SPAG16: variants seen among roughly 807,000 people sequenced by gnomAD.
The protein encoded by SPAG16 is sperm-associated antigen 16 protein.
Under a neutral mutation model 80.4 loss-of-function variants are expected in SPAG16, and 86 were observed. The observed-to-expected ratio is 1.07, with a 90% CI of 0.90 to 1.28. The LOEUF is 1.28. SPAG16 is among the 50% of genes most tolerant of loss of function. SPAG16 has a pLI of 0.00. For missense variants in SPAG16, 870 were observed against 765.3 expected (o/e 1.14, Z -1.61); for synonymous variants, 294 against 265.9 (o/e 1.11, Z -1.03).
intron 6 of SPAG16, among the ~76,000 whole-genome samples, chr2:213,342,182 T>G (rs2064718920): frequency 6.6e-6 from 1 of 151,654 alleles, no homozygotes; most frequent in African/African-American, 2.4e-5. Flanking sequence ...ATATATAGTT[T>G]TGTGTATACA....
At chr2:213,908,760 C>T (rs200518150) in intron 11 of SPAG16, among the ~76,000 whole-genome samples, 3 of 145,968 alleles carry the variant, frequency 2.1e-5, no homozygotes, top group Non-Finnish European at 3.0e-5. Context: ...TTTTTTTTGT[C>T]TTTTTTTTTC....
intron 11 of SPAG16, among the ~76,000 whole-genome samples, chr2:213,896,595 C>CTATGT (rs1559562186): frequency 6.9e-6 from 1 of 144,742 alleles, no homozygotes; most frequent in South Asian, 2.2e-4. Flanking sequence ...CACACACGCA[C>CTATGT]ACACACACAC....
At chr2:213,510,663 C>A (rs1356467749) in intron 10 of SPAG16, among the ~76,000 whole-genome samples, 1 of 152,134 alleles carries the variant, frequency 6.6e-6, no homozygotes. Context: ...GTTGACTGTG[C>A]AACCTTTGTA....
chr2:213,706,906 G>A (rs954304799), intron 10 of SPAG16, among the ~76,000 whole-genome samples: 1 of 152,196 alleles, frequency 6.6e-6, no homozygotes, highest in African/African-American at 2.4e-5. Context: ...TCAAGTTGCT[G>A]ATGACAAGTT....
intron 10 of SPAG16, among the ~76,000 whole-genome samples, chr2:213,772,344 A>C (rs1226024216): frequency 1.3e-5 from 2 of 152,150 alleles, no homozygotes; most frequent in Non-Finnish European, 1.5e-5. Context: ...TCAGAAGCTA[A>C]GCAGGATTGG....
At chr2:213,873,295 C>T (rs1202375500) in intron 11 of SPAG16, among the ~76,000 whole-genome samples, 2 of 151,862 alleles carry the variant, frequency 1.3e-5, no homozygotes, top group Admixed American at 6.6e-5. Context: ...TATTTGTTGC[C>T]ATGTTGTTAA....
At chr2:214,289,473 C>T (rs773529707) in intron 15 of SPAG16, among the ~76,000 whole-genome samples, 2 of 152,078 alleles carry the variant, frequency 1.3e-5, no homozygotes, top group Non-Finnish European at 2.9e-5. Context: ...TTCCCAGAAC[C>T]GTTTATTGAA....
intron 5 of SPAG16, among the ~76,000 whole-genome samples, chr2:213,329,680 C>G (rs1047989307): frequency 6.6e-6 from 1 of 152,250 alleles, no homozygotes; most frequent in Admixed American, 6.5e-5. Context: ...GGGAGAAATT[C>G]AAGCCAGCTG....
chr2:213,538,503 T>TA (rs2076323260), intron 10 of SPAG16, among the ~76,000 whole-genome samples: 1 of 152,228 alleles, frequency 6.6e-6, no homozygotes, highest in Middle Eastern at 3.4e-3. Context: ...TTCCTTTTCT[T>TA]AAAAAAATAA....
At chr2:214,210,353 C>T (rs949959972) in intron 15 of SPAG16, among the ~76,000 whole-genome samples, 1 of 151,642 alleles carries the variant, frequency 6.6e-6, no homozygotes, top group African/African-American at 2.4e-5. Context: ...TGCAGATGAA[C>T]CATGTAGCCT....
At chr2:213,957,352 T>A (rs2044199178) in intron 12 of SPAG16, among the ~76,000 whole-genome samples, 1 of 152,178 alleles carries the variant, frequency 6.6e-6, no homozygotes. Flanking sequence ...ATTGAAACTT[T>A]TACTAATATA....
At chr2:214,309,068 A>T (rs1912172) in intron 15 of SPAG16, among the ~76,000 whole-genome samples, 1 of 152,020 alleles carries the variant, frequency 6.6e-6, no homozygotes, top group South Asian at 2.1e-4. Flanking sequence ...CATATGTCTC[A>T]GAGGTTTTGT....
chr2:214,146,374 T>A (rs2055638091), intron 14 of SPAG16, among the ~76,000 whole-genome samples: 5 of 152,202 alleles, frequency 3.3e-5, no homozygotes, highest in Admixed American at 3.3e-4. Context: ...GGCATTAGAA[T>A]ATTCTAAGTA....
At chr2:213,705,349 C>G (rs2065701132) in intron 10 of SPAG16, among the ~76,000 whole-genome samples, 2 of 152,160 alleles carry the variant, frequency 1.3e-5, no homozygotes, top group South Asian at 4.1e-4. Flanking sequence ...TTTAAAGTGT[C>G]ACACTGGTTT....
intron 11 of SPAG16, among the ~76,000 whole-genome samples, chr2:213,874,764 C>T (rs2076081739): frequency 6.6e-6 from 1 of 152,032 alleles, no homozygotes; most frequent in South Asian, 2.1e-4. Flanking sequence ...TGCCTTATTC[C>T]ATTGGCCAAA....
At chr2:213,698,360 C>T (rs2065249946) in intron 10 of SPAG16, among the ~76,000 whole-genome samples, 1 of 152,126 alleles carries the variant, frequency 6.6e-6, no homozygotes, top group Non-Finnish European at 1.5e-5. Flanking sequence ...CTCCCGGGCT[C>T]AAGTAATCCT....
chr2:214,374,126 T>C (rs151216573), intron 15 of SPAG16, among the ~76,000 whole-genome samples: 106 of 152,320 alleles, frequency 7.0e-4, no homozygotes, highest in African/African-American at 2.3e-3. Flanking sequence ...GCAAAGAACC[T>C]ACCTTGAGTT....
intron 14 of SPAG16, among the ~76,000 whole-genome samples, chr2:214,129,757 A>G (rs2054669361): frequency 6.6e-6 from 1 of 152,156 alleles, no homozygotes; most frequent in Admixed American, 6.6e-5. Context: ...GACAACTTTT[A>G]TATTATCTTT....
At chr2:213,787,670 A>G (rs554887024) in intron 10 of SPAG16, among the ~76,000 whole-genome samples, 1 of 152,158 alleles carries the variant, frequency 6.6e-6, no homozygotes, top group East Asian at 1.9e-4. Context: ...AACAATTCAG[A>G]TTTGTTTTAT....
Sources: gnomAD v4.1 joint callset for allele counts (sites outside exome capture counted in the v4.1 genomes callset) on GRCh38, gnomAD v4.1.1 for gene constraint, MANE v1.5 for transcripts, NCBI Gene and HGNC (gene_info 2026-07-23, HGNC 2026-07-21) for gene names.